DNAH1: variants seen among roughly 807,000 people sequenced by gnomAD.
The protein encoded by DNAH1 is dynein axonemal heavy chain 1.
In DNAH1, 327 loss-of-function variants were observed where a neutral mutation model predicts 484.3. The ratio of observed to expected loss-of-function variants is 0.68; its 90% CI spans 0.62 to 0.74. The LOEUF is 0.74. Among genes scored for constraint, DNAH1 ranks in the 30% least tolerant of loss-of-function variants. DNAH1 has a pLI of 0.00. For synonymous variants in DNAH1, 2,192 were observed against 2,191.9 expected (o/e 1.00, Z 0.00); for missense variants, 5,052 against 5,546.8 (o/e 0.91, Z 2.83).
Position 52,397,893 on chromosome 3 carries a change from G to T in DNAH1, c.11958+16G>T. On this transcript the variant is annotated intron_variant, in intron 74 of 77. Transcript: ENST00000420323. ...CCGGGAGGAGGTGGGTGGTGTCAGAGTAAGGGGCCCAAGGGCTGGACGGGC... is the reference window on the plus strand; with the variant it reads ...CCGGGAGGAGGTGGGTGGTGTCAGATTAAGGGGCCCAAGGGCTGGACGGGC... 1 of 1,590,866 alleles carries T rather than the reference G, an allele frequency of 6.3e-7. No homozygotes were observed. Among genetic ancestry groups the T allele is most frequent in the Non-Finnish European group, 8.6e-7 (1 of 1,167,430 alleles).
rs1351920205 is a variant in DNAH1, at chr3:52,397,739, CAAT to C, written c.11821_11823del (p.Asn3941del). On this transcript the variant is annotated inframe_deletion, in exon 74 of 78. Transcript: ENST00000420323. ...TCTCCTACATCAAGAGCCTCCCACTCAATGATATGCCTGAGATCTTTGGCCTGC... is the reference window on the plus strand; with the variant it reads ...TCTCCTACATCAAGAGCCTCCCACTCGATATGCCTGAGATCTTTGGCCTGC... 6.2e-7 allele frequency: 1 copy of C among 1,612,774 alleles called. No individual in the cohort carries two copies. The highest frequency in any genetic ancestry group is 1.3e-5 in the African/African-American group (1 of 74,904).
rs1476385255 is a variant in DNAH1 at position 52,370,733 on chromosome 3, C to T, written c.6433C>T (p.Pro2145Ser). 15 of 1,603,828 alleles carry T rather than the reference C, an allele frequency of 9.4e-6. No homozygotes were observed. The highest frequency in any genetic ancestry group is 1.3e-5 in the Non-Finnish European group (15 of 1,175,628). Reference sequence around the variant, plus strand: ...TTCCCGGCAGCTGACTCTGCTTTTCCCAGAAGAGGGGCTGGTGTTCGATTA... The same window carrying T: ...TTCCCGGCAGCTGACTCTGCTTTTCTCAGAAGAGGGGCTGGTGTTCGATTA... ...MENEQLTLLFPEEGLVFDYRL... is the reference protein window; with the variant it reads ...MENEQLTLLFSEEGLVFDYRL... The change falls in exon 41 of 78, where the codon CCA (proline) becomes TCA (serine). Residue 2145 changes from proline (P) to serine (S), a missense_variant. Pro to Ser is a moderately conservative substitution (Grantham distance 74, BLOSUM62 -1). Transcript: ENST00000420323.
At chr3:52,396,331 A>G (rs756287374) in intron 70 of DNAH1, 37 bp from the exon 71 acceptor site, 18 of 1,546,596 alleles carry the variant, frequency 1.2e-5, no homozygotes, top group Non-Finnish European at 1.6e-5. Context: ...GCCACCAGAT[A>G]TGGGTCTCAA....
chr3:52,375,426 G>A lies in DNAH1; in HGVS notation c.7159+13G>A, dbSNP rs771376137. 5 of 1,609,434 alleles carry A rather than the reference G, an allele frequency of 3.1e-6. No homozygotes were observed. In the South Asian group the frequency reaches 4.4e-5, roughly 14 times the overall value. ...GGCAACTGGTTGGGTGAGTATTGGT[G>A]GGGGTGAGCATGGACAAAGGCAGAA... On this transcript the variant is annotated intron_variant, in intron 45 of 77. Coordinates refer to ENST00000420323, the MANE Select transcript of DNAH1 (RefSeq NM_015512.5).
Position 52,372,267 on chromosome 3 carries a change from C to G in DNAH1, c.6707C>G (p.Thr2236Ser). The change falls in exon 43 of 78, where the codon ACC becomes AGC. Residue 2236 changes from threonine (T) to serine (S), a missense_variant. Physicochemically the swap from Thr to Ser is moderately conservative, Grantham distance 58 (BLOSUM62 1). This residue lies in a region of DNAH1 where 2,929 missense variants were observed against 3,409.4 expected (regional missense o/e 0.86). Coordinates refer to ENST00000420323, the MANE Select transcript of DNAH1 (RefSeq NM_015512.5). ...CCAACAGGCACGGGGAAGACGCTCA[C>G]CATCTCTGACAAGCTCCTCAAGAAC... Reference protein sequence around the residue: ...IGPTGTGKTLTISDKLLKNLA... With the variant: ...IGPTGTGKTLSISDKLLKNLA... 6.2e-7 allele frequency: 1 copy of G among 1,613,970 alleles called. No individual in the cohort carries two copies. The highest frequency in any genetic ancestry group is 8.5e-7 in the Non-Finnish European group (1 of 1,179,856).
At chr3:52,378,553 C>A in intron 46 of DNAH1, 49 bp from the exon 47 acceptor site, 1 of 1,592,060 alleles carries the variant, frequency 6.3e-7, no homozygotes, top group Non-Finnish European at 8.6e-7. Context: ...GCAGAGGCGG[C>A]AGAGGGAGCT....
Position 52,392,932 on chromosome 3 carries a change from T to C in DNAH1, c.10381T>C (p.Ser3461Pro). 1 of 1,613,120 alleles carries C rather than the reference T, an allele frequency of 6.2e-7. No individual in the cohort carries two copies. Among genetic ancestry groups the C allele is most frequent in the East Asian group, 2.2e-5 (1 of 44,816 alleles). ...CACCCAGATCCTCTTCTTCTGTGTG[T>C]CCGACCTGGCCAACGTGGACCCCAT... ...IRTQILFFCVSDLANVDPMYQ... is the reference protein window; with the variant it reads ...IRTQILFFCVPDLANVDPMYQ... Residue 3461 changes from serine (S) to proline (P), a missense_variant, in exon 65 of 78, where the codon TCC becomes CCC. Ser to Pro is a moderately conservative substitution (Grantham distance 74). Around this residue, in one of 4 missense-constraint regions of DNAH1, gnomAD observed 2,929 missense variants for 3,409.4 expected, o/e 0.86. Transcript: ENST00000420323.
chr3:52,397,005 G>T lies in DNAH1; in HGVS notation c.11748G>T (p.Ser3916=). The change falls in exon 73 of 78, where the codon TCG becomes TCT. Residue 3916 remains serine, a synonymous_variant. Transcript: ENST00000420323. ...CCCCTGAGCACAGCTACAGCGCCTC[G>T]GGCATCTACCACCAGATCCCGCCTA... ...VLSPEHSYSA[S]GIYHQIPPTY... is the part of the protein sequence containing the mutation. 6.2e-7 allele frequency: 1 copy of T among 1,610,780 alleles called. No individual in the cohort carries two copies. Among genetic ancestry groups the T allele is most frequent in the East Asian group, 2.2e-5 (1 of 44,686 alleles).
intron 46 of DNAH1, 136 bp downstream of exon 46, chr3:52,376,129 G>T (rs554836403): frequency 9.1e-7 from 1 of 1,095,368 alleles, no homozygotes; most frequent in African/African-American, 1.6e-5. Flanking sequence ...GGCCACTAGG[G>T]TGCCAGAGCG....
At chr3:52,334,000 G>A (rs2153223335) in intron 8 of DNAH1, among the ~76,000 whole-genome samples, 1 of 152,258 alleles carries the variant, frequency 6.6e-6, no homozygotes, top group South Asian at 2.1e-4. Flanking sequence ...GTAAGTAGAG[G>A]AGCATCTGTA....
At chr3:52,367,701 G>A (rs962284605) in intron 36 of DNAH1, among the ~76,000 whole-genome samples, 18 of 152,052 alleles carry the variant, frequency 1.2e-4, no homozygotes, top group African/African-American at 4.3e-4. Flanking sequence ...AGCCTCCCGA[G>A]TAGCTGGGAT....
At chr3:52,376,143 G>C in intron 46 of DNAH1, 150 bp downstream of exon 46, 1 of 916,236 alleles carries the variant, frequency 1.1e-6, no homozygotes, top group Non-Finnish European at 1.6e-6. Flanking sequence ...CAGAGCGAAG[G>C]TTGACACAGG....
intron 74 of DNAH1, 72 bp downstream of exon 74, chr3:52,397,949 G>T: frequency 2.5e-6 from 4 of 1,578,464 alleles, no homozygotes; most frequent in Non-Finnish European, 3.4e-6. Context: ...ACTCCCCTGT[G>T]GGAAGGACCC....
At position 52,342,533 on chromosome 3, in the gene DNAH1, G is replaced by A. The variant is rs556615442; in HGVS notation, c.1287-1957G>A. ...GTTTCCTCAGCGGTGGAGCCAATGA[G>A]AGCTGCTAATGGACTAAATGCAAGC... On this transcript the variant is annotated intron_variant, in intron 8 of 77. Coordinates refer to ENST00000420323, the MANE Select transcript of DNAH1 (RefSeq NM_015512.5). 2.6e-5 allele frequency among the ~76,000 whole-genome samples: 4 copies of A among 152,256 alleles called. No individual in the cohort carries two copies. The South Asian group carries it at 8.3e-4, about 32-fold the overall frequency.
chr3:52,331,133 C>T lies in DNAH1; in HGVS notation c.872-15C>T, dbSNP rs143657729. On this transcript the variant is annotated splice_polypyrimidine_tract_variant and intron_variant, in intron 6 of 77. Transcript: ENST00000420323. ...ATGGCGGGGGGCACTGGTGGAGTTTCTCCTCCTGTTTCAGAGGACCCCAAG... is the reference window on the plus strand; with the variant it reads ...ATGGCGGGGGGCACTGGTGGAGTTTTTCCTCCTGTTTCAGAGGACCCCAAG... 5.7e-3 allele frequency: 8,917 copies of T among 1,575,758 alleles called. 70 individuals carry two copies. Among genetic ancestry groups the T allele is most frequent in the South Asian group, 0.023 (2,004 of 85,938 alleles).
Position 52,388,884 on chromosome 3 carries a change from T to C in DNAH1, c.9442T>C (p.Ser3148Pro). ...ENLQYMLNNI[S>P]GDVLVAAGFV... The stretch of plus-strand genomic sequence containing the variant: ...CCTGCAGTACATGCTCAACAACATC[T>C]CCGGCGATGTCCTGGTGGCCGCTGG... Residue 3148 changes from serine to proline, a missense_variant, in exon 59 of 78, where the codon TCC (serine) becomes CCC (proline). Physicochemically the swap from Ser to Pro is moderately conservative, Grantham distance 74 (BLOSUM62 -1). Coordinates refer to ENST00000420323, the MANE Select transcript of DNAH1 (RefSeq NM_015512.5). The C allele has an allele frequency of 6.2e-7, 1 of 1,613,280 alleles. No homozygotes were observed. Among genetic ancestry groups the C allele is most frequent in the South Asian group, 1.1e-5 (1 of 91,056 alleles).
chr3:52,373,502 G>A (rs1578165662), intron 44 of DNAH1: 1 of 1,460,036 alleles, frequency 6.8e-7, no homozygotes, highest in East Asian at 2.4e-5. Flanking sequence ...TTTCCGTCAG[G>A]AAAAACAGCC....
rs772920124 is a variant in DNAH1, at chr3:52,354,940, C to T, written c.3578C>T (p.Ala1193Val). The change falls in exon 21 of 78, where the codon GCC becomes GTC. Residue 1193 changes from alanine to valine, a missense_variant. Ala to Val is a moderately conservative substitution (Grantham distance 64). Around this residue, in one of 4 missense-constraint regions of DNAH1, gnomAD observed 2,929 missense variants for 3,409.4 expected, o/e 0.86. Transcript: ENST00000420323. ...DTYILKSPDEASQLLDDHIVM... is the reference protein window; with the variant it reads ...DTYILKSPDEVSQLLDDHIVM... ...TACATCCTGAAGAGCCCGGACGAGG[C>T]CTCACAGCTGCTGGACGACCACATC... The T allele has an allele frequency of 6.2e-7, 1 of 1,614,044 alleles. No homozygotes were observed. The highest frequency in any genetic ancestry group is 2.2e-5 in the East Asian group (1 of 44,884).
At chr3:52,347,675 T>C (rs139270725) in intron 11 of DNAH1, 149 bp from the exon 12 acceptor site, 141 of 970,320 alleles carry the variant, frequency 1.5e-4, no homozygotes, top group Non-Finnish European at 1.8e-4. Flanking sequence ...TCCTCTCTGG[T>C]AACTTGGAGG....
Sources: allele counts gnomAD v4.1 joint callset (sites outside exome capture counted in the v4.1 genomes callset), GRCh38; gene constraint gnomAD v4.1.1; regional missense constraint gnomAD v4.1.1; transcripts MANE v1.5; gene names NCBI Gene and HGNC (gene_info 2026-07-23, HGNC 2026-07-21).